The following DNAAF11 variants were observed in gnomAD, a reference collection of about 807,000 sequenced individuals.
DNAAF11 encodes the protein leucine rich repeat containing 6.
DNAAF11 carries 45 observed loss-of-function variants against 60.8 expected under a neutral mutation model. The observed-to-expected ratio is 0.74, with a 90% CI of 0.58 to 0.95. The LOEUF is 0.95. DNAAF11 is among the 40% of genes least tolerant of loss of function. The pLI is 0.00. For missense variants in DNAAF11, 546 were observed against 546.2 expected (o/e 1.00, Z 0.00); for synonymous variants, 191 against 183.5 (o/e 1.04, Z -0.33).
At chr8:132,678,720 T>TTGA (rs1825823724), upstream of DNAAF11, among the ~76,000 whole-genome samples, 1 of 151,602 alleles carries the variant, frequency 6.6e-6, no homozygotes, top group Non-Finnish European at 1.5e-5. Flanking sequence ...AATATTGGAC[T>TTGA]TTTATCAAGA....
At chr8:132,685,637 G>T in the DNAAF11 span, among the ~76,000 whole-genome samples, 1 of 152,188 alleles carries the variant, frequency 6.6e-6, no homozygotes, top group Non-Finnish European at 1.5e-5. Context: ...CAAAAGCAGA[G>T]AGAGGTCTTA....
At chr8:132,642,207 T>C (rs1821926557) in intron 3 of DNAAF11, among the ~76,000 whole-genome samples, 1 of 152,250 alleles carries the variant, frequency 6.6e-6, no homozygotes, top group Non-Finnish European at 1.5e-5. Context: ...ATTAACTACA[T>C]GGCTAATATT....
Position 132,587,374 on chromosome 8 carries a change from G to A in DNAAF11, c.1141-3595C>T, listed in dbSNP as rs1474030955. On this transcript the variant is annotated intron_variant, in intron 10 of 11. Transcript: ENST00000620350. The stretch of plus-strand genomic sequence containing the variant: ...TAACACCAACATTCATAATAACACT[G>A]AAATTCATCTTAATGCCAACATTCA... Among the ~76,000 whole-genome samples the A allele has an allele frequency of 3.9e-5, 6 of 152,054 alleles. No individual in the cohort carries two copies. In the South Asian group the frequency reaches 1.0e-3, roughly 26 times the overall value.
intron 1 of DNAAF11, among the ~76,000 whole-genome samples, chr8:132,673,800 C>A (rs1825416416): frequency 6.6e-6 from 1 of 152,140 alleles, no homozygotes; most frequent in African/African-American, 2.4e-5. Context: ...GCTGTAACCA[C>A]TATACTTCTG....
At chr8:132,581,172 C>G (rs1194322616) in intron 11 of DNAAF11, among the ~76,000 whole-genome samples, 1 of 152,054 alleles carries the variant, frequency 6.6e-6, no homozygotes, top group Non-Finnish European at 1.5e-5. Flanking sequence ...CAAATTATAC[C>G]TAAATGTGAA....
chr8:132,575,920 C>T (rs1814699780), intron 11 of DNAAF11, among the ~76,000 whole-genome samples: 2 of 152,046 alleles, frequency 1.3e-5, no homozygotes, highest in Non-Finnish European at 2.9e-5. Context: ...GGGGAGGCCG[C>T]CTGGAGAACT....
At chr8:132,690,456 G>A in the DNAAF11 span, among the ~76,000 whole-genome samples, 1 of 152,182 alleles carries the variant, frequency 6.6e-6, no homozygotes, top group Non-Finnish European at 1.5e-5. Context: ...TTGCCGAACA[G>A]TGAGTCAATT....
Position 132,582,911 on chromosome 8 carries a change from A to AGAGAAGAGGAGAGAACT in DNAAF11, c.1226+782_1226+783insAGTTCTCTCCTCTTCTC, listed in dbSNP as rs1586472950. Among the ~76,000 whole-genome samples, 4 of 152,334 alleles carry AGAGAAGAGGAGAGAACT rather than the reference A, an allele frequency of 2.6e-5. No individual in the cohort carries two copies. In the East Asian group the frequency reaches 7.7e-4, roughly 29 times the overall value. ...GTTGGAAGAACTGGGATCTCATTCT[A>AGAGAAGAGGAGAGAACT]GAGAAGAACTGAGAAAGGGGAGAGC... On this transcript the variant is annotated intron_variant, in intron 11 of 11. Transcript: ENST00000620350.
the DNAAF11 span, among the ~76,000 whole-genome samples, chr8:132,697,505 C>A: frequency 2.0e-5 from 3 of 151,974 alleles, no homozygotes. Flanking sequence ...GTAATCCCCG[C>A]TGCTTGGGAG....
Position 132,638,273 on chromosome 8 carries a change from G to C in DNAAF11, c.257-166C>G, listed in dbSNP as rs576556888. 3.9e-5 allele frequency among the ~76,000 whole-genome samples: 6 copies of C among 152,226 alleles called. No homozygotes were observed. The South Asian group carries it at 1.0e-3, about 26-fold the overall frequency. ...ATTCTTCAGAAATATCAACTCAAAGGCTTCATCTTAACTCATTTTTCTATC... is the reference window on the plus strand; with the variant it reads ...ATTCTTCAGAAATATCAACTCAAAGCCTTCATCTTAACTCATTTTTCTATC... On this transcript the variant is annotated intron_variant, in intron 3 of 11. Transcript: ENST00000620350.
intron 10 of DNAAF11, among the ~76,000 whole-genome samples, chr8:132,586,635 A>G (rs1815929611): frequency 6.6e-6 from 1 of 152,116 alleles, no homozygotes; most frequent in African/African-American, 2.4e-5. Context: ...TGTAACTCTC[A>G]TGTAAGTGTG....
intron 10 of DNAAF11, among the ~76,000 whole-genome samples, chr8:132,599,534 T>C (rs1052773389): frequency 1.6e-4 from 25 of 152,162 alleles, no homozygotes; most frequent in Non-Finnish European, 2.6e-4. Flanking sequence ...AAAAAAATAC[T>C]GGCAAACCGA....
intron 10 of DNAAF11, among the ~76,000 whole-genome samples, chr8:132,590,620 G>A (rs1340502128): frequency 1.3e-5 from 2 of 152,148 alleles, no homozygotes; most frequent in South Asian, 2.1e-4. Flanking sequence ...ACCTTGGGCT[G>A]CTCATTAAAA....
chr8:132,679,417 G>A (rs940273440), upstream of DNAAF11, among the ~76,000 whole-genome samples: 3 of 152,180 alleles, frequency 2.0e-5, no homozygotes, highest in African/African-American at 7.2e-5. Context: ...CAACCACAGA[G>A]GTGTCCCTGT....
At chr8:132,581,739 T>C (rs1815365781) in intron 11 of DNAAF11, among the ~76,000 whole-genome samples, 1 of 145,860 alleles carries the variant, frequency 6.9e-6, no homozygotes, top group Non-Finnish European at 1.5e-5. Flanking sequence ...CTACCACTTA[T>C]CAACTTTGAC....
chr8:132,612,117 T>C (rs1470689826), intron 8 of DNAAF11, among the ~76,000 whole-genome samples: 1 of 152,178 alleles, frequency 6.6e-6, no homozygotes, highest in Admixed American at 6.5e-5. Context: ...TGTGGGGAAC[T>C]GGCTCCATGC....
chr8:132,698,986 G>A, the DNAAF11 span, among the ~76,000 whole-genome samples: 5 of 142,842 alleles, frequency 3.5e-5, no homozygotes, highest in South Asian at 2.2e-4. Context: ...AAAATTAGCC[G>A]GGCGCCATGG....
chr8:132,577,040 G>T (rs141676173), intron 11 of DNAAF11, among the ~76,000 whole-genome samples: 3 of 152,132 alleles, frequency 2.0e-5, no homozygotes, highest in Non-Finnish European at 1.5e-5. Flanking sequence ...AATCATAAGA[G>T]TGAAACTTTC....
chr8:132,657,658 C>A (rs1320536817), intron 2 of DNAAF11, among the ~76,000 whole-genome samples: 1 of 152,198 alleles, frequency 6.6e-6, no homozygotes, highest in Non-Finnish European at 1.5e-5. Context: ...CAAGCATAAA[C>A]AAGTCACAGA....
Sources: allele counts gnomAD v4.1 joint callset (sites outside exome capture counted in the v4.1 genomes callset), GRCh38; gene constraint gnomAD v4.1.1; transcripts MANE v1.5; gene names NCBI Gene and HGNC (gene_info 2026-07-23, HGNC 2026-07-21).